The following PIAS2 variants were observed in gnomAD, a reference collection of about 807,000 sequenced individuals.
PIAS2 encodes the protein E3 SUMO-protein ligase PIAS2.
In PIAS2, 19 loss-of-function variants were observed where a neutral mutation model predicts 69.7. The observed-to-expected ratio is 0.27, with a 90% CI of 0.19 to 0.40. The LOEUF is 0.40. Among genes scored for constraint, PIAS2 ranks in the 10% least tolerant of loss-of-function variants. PIAS2 has a pLI of 1.00. For missense variants in PIAS2, 624 were observed against 757.0 expected (o/e 0.82, Z 2.06); for synonymous variants, 261 against 263.2 (o/e 0.99, Z 0.08).
rs191665129 is a variant in PIAS2, at chr18:46,828,792, C to G, written c.1337-662G>C. Among the ~76,000 whole-genome samples, 517 of 152,194 alleles carry G rather than the reference C, an allele frequency of 3.4e-3. 1 individual carries two copies. The highest frequency in any genetic ancestry group is 0.01 in the Middle Eastern group (3 of 294). On this transcript the variant is annotated intron_variant, in intron 10 of 13. Coordinates refer to ENST00000585916, the MANE Select transcript of PIAS2 (RefSeq NM_004671.5). ...GTCTCACATACCATATTTGTTAACT[C>G]ACATTTTCACAGAAAAGTATGTTAT...
rs962269255 is a variant in PIAS2, at chr18:46,805,846, T to C, written c.*6587A>G. On this transcript the variant is annotated 3_prime_UTR_variant, in exon 14 of 14. Transcript: ENST00000585916. ...GCAGAAAAACCAGGAATGAGCCTCA[T>C]GGATGCTTCATTTCTGAAATCCCAT... is the stretch of plus-strand genomic sequence containing the variant. 2.0e-5 allele frequency: 3 copies of C among 152,238 alleles called. No homozygotes were observed. The highest frequency in any genetic ancestry group is 1.3e-4 in the Admixed American group (2 of 15,286). The allele number at this position is 152,238 out of a possible 1,614,324, so 9.4% of individuals were successfully genotyped here. A position where few individuals can be genotyped will look rare whatever the true frequency, so the allele number is the denominator to read the frequency against.
Position 46,821,017 on chromosome 18 carries a change from G to C in PIAS2, c.1564C>G (p.Pro522Ala), listed in dbSNP as rs1472124182. The change falls in exon 12 of 14, where the codon CCT (proline) becomes GCT (alanine). Residue 522 changes from proline (P) to alanine (A), a missense_variant. Physicochemically the swap from Pro to Ala is conservative, Grantham distance 27. This residue lies in a region of PIAS2 where 241 missense variants were observed against 257.3 expected (regional missense o/e 0.94). Coordinates refer to ENST00000585916, the MANE Select transcript of PIAS2 (RefSeq NM_004671.5). ...VRVPSVTSVDPAAIPPSLTDY... is the reference protein window; with the variant it reads ...VRVPSVTSVDAAAIPPSLTDY... ...GTTAATGAAGGCGGAATAGCAGCAG[G>C]ATCAACCGAAGTCACACTGGGCACC... 6 of 1,613,252 alleles carry C rather than the reference G, an allele frequency of 3.7e-6. No homozygotes were observed. Among genetic ancestry groups the C allele is most frequent in the African/African-American group, 1.3e-5 (1 of 74,872 alleles).
intron 5 of PIAS2, 107 bp from the exon 6 acceptor site, chr18:46,846,948 A>G: frequency 1.0e-6 from 1 of 971,128 alleles, no homozygotes; most frequent in Non-Finnish European, 1.4e-6. Flanking sequence ...CACTATTTTT[A>G]TTTTAGCCTA....
rs1166899502 is a variant in PIAS2, at chr18:46,829,783, C to T, written c.1287G>A (p.Pro429=). 6.2e-7 allele frequency: 1 copy of T among 1,613,270 alleles called. No homozygotes were observed. Among genetic ancestry groups the T allele is most frequent in the Non-Finnish European group, 8.5e-7 (1 of 1,179,444 alleles). Residue 429 remains proline, a synonymous_variant, in exon 10 of 14, where the codon CCG becomes CCA. Coordinates refer to ENST00000585916, the MANE Select transcript of PIAS2 (RefSeq NM_004671.5). The part of the protein sequence containing the change: ...QEDGSWCPMR[P]KKEAMKVSSQ... ...TGGATACTTTCATAGCTTCTTTCTT[C>T]GGTCTCATTGGACACCAAGAACCAT...
At chr18:46,916,893 GA>G in intron 1 of PIAS2, 1 of 985,514 alleles carries the variant, frequency 1.0e-6, no homozygotes, top group South Asian at 4.7e-5. Flanking sequence ...TCAGCTTTCA[GA>G]AAACAGTCCT....
chr18:46,815,326 G>T lies in PIAS2; in HGVS notation c.1672C>A (p.Pro558Thr). ...LPGLDFLSLI[P>T]VDPQYCPPMF... ...AGGATACATACCTGGGGATCAACTG[G>T]AATAAGGGAAAGAAAATCCAAACCT... The change falls in exon 13 of 14, where the codon CCA becomes ACA. Residue 558 changes from proline (P) to threonine (T), a missense_variant. Physicochemically the swap from Pro to Thr is conservative, Grantham distance 38 (BLOSUM62 -1). This residue lies in a region of PIAS2 where 241 missense variants were observed against 257.3 expected (regional missense o/e 0.94). Transcript: ENST00000585916. 1 of 1,611,910 alleles carries T rather than the reference G, an allele frequency of 6.2e-7. No individual in the cohort carries two copies. The highest frequency in any genetic ancestry group is 1.1e-5 in the South Asian group (1 of 90,974).
At chr18:46,905,651 C>A (rs552196743) in intron 1 of PIAS2, 1 of 151,992 alleles carries the variant, frequency 6.6e-6, no homozygotes, top group East Asian at 1.9e-4. Flanking sequence ...CAAGTAACTG[C>A]AAAGAAGAGA....
chr18:46,864,389 A>G, intron 2 of PIAS2, 141 bp from the exon 3 acceptor site: 1 of 600,504 alleles, frequency 1.7e-6, no homozygotes, highest in Non-Finnish European at 2.9e-6. Context: ...ATCAGGAAGT[A>G]CTAAACTGCA....
At chr18:46,871,078 G>T (rs1488004433) in intron 2 of PIAS2, among the ~76,000 whole-genome samples, 4 of 152,184 alleles carry the variant, frequency 2.6e-5, no homozygotes, top group Admixed American at 1.3e-4. Context: ...AGACTTAGAA[G>T]ACCCTCTTGG....
chr18:46,885,140 T>C (rs186614255), intron 2 of PIAS2, among the ~76,000 whole-genome samples: 1 of 151,980 alleles, frequency 6.6e-6, no homozygotes, highest in East Asian at 1.9e-4. Context: ...CTTCAAGTGA[T>C]AAAAAAAATT....
chr18:46,894,937 G>T (rs1328508211), intron 1 of PIAS2, among the ~76,000 whole-genome samples: 2 of 152,114 alleles, frequency 1.3e-5, no homozygotes, highest in East Asian at 3.9e-4. Context: ...GCCAGGCATG[G>T]TGGCAGGTGC....
intron 3 of PIAS2, among the ~76,000 whole-genome samples, chr18:46,862,702 CATATATGTAT>C (rs1219689629): frequency 6.6e-6 from 1 of 151,766 alleles, no homozygotes; most frequent in Non-Finnish European, 1.5e-5. Flanking sequence ...TATATATACA[CATATATGTAT>C]ATATTCTTTT....
chr18:46,847,691 C>T (rs895674812), intron 5 of PIAS2, among the ~76,000 whole-genome samples: 3 of 152,008 alleles, frequency 2.0e-5, no homozygotes, highest in African/African-American at 7.2e-5. Flanking sequence ...ACCATGTTAG[C>T]CAGGATGGTC....
chr18:46,886,119 C>G (rs533453914), intron 2 of PIAS2, among the ~76,000 whole-genome samples: 68 of 152,294 alleles, frequency 4.5e-4, no homozygotes, highest in African/African-American at 1.6e-3. Context: ...CTTAGTCCCC[C>G]CCAGTCTTCT....
rs1367338694 is a variant in PIAS2, at chr18:46,811,767, ACAGCACT to A, written c.*659_*665del. The A allele has an allele frequency of 2.0e-5, 3 of 152,258 alleles. No homozygotes were observed. Among genetic ancestry groups the A allele is most frequent in the Admixed American group, 6.5e-5 (1 of 15,290 alleles). The allele number at this position is 152,258 out of a possible 1,614,324, so 9.4% of individuals were successfully genotyped here. Reference sequence around the variant, plus strand: ...GAGTAGCCAAATCCCAGAACTTCACACAGCACTCATTAGCAAACAACGTCAAAGTGTA... The same window carrying A: ...GAGTAGCCAAATCCCAGAACTTCACACATTAGCAAACAACGTCAAAGTGTA... On this transcript the variant is annotated 3_prime_UTR_variant, in exon 14 of 14. Transcript: ENST00000585916.
intron 5 of PIAS2, among the ~76,000 whole-genome samples, chr18:46,847,569 C>T (rs2046338499): frequency 6.6e-6 from 1 of 151,750 alleles, no homozygotes; most frequent in South Asian, 2.1e-4. Context: ...GCAAGCTCCG[C>T]CTCTCGGGTT....
chr18:46,847,789 C>A (rs953153126), intron 5 of PIAS2, among the ~76,000 whole-genome samples: 5 of 152,190 alleles, frequency 3.3e-5, no homozygotes, highest in African/African-American at 1.2e-4. Flanking sequence ...GCCAACTGTT[C>A]GTTTTAAATA....
At position 46,892,283 on chromosome 18, in the gene PIAS2, T is replaced by C. The variant is rs539581735; in HGVS notation, c.25-1229A>G. The stretch of plus-strand genomic sequence containing the variant: ...GCTAGTTTACTAAAATGCAAACAGA[T>C]TTAAATATGCCAAAGTAATCCATAT... On this transcript the variant is annotated intron_variant, in intron 1 of 13. Transcript: ENST00000585916. 9.2e-5 allele frequency among the ~76,000 whole-genome samples: 14 copies of C among 152,282 alleles called. No individual in the cohort carries two copies. The South Asian group carries it at 2.9e-3, about 32-fold the overall frequency.
chr18:46,891,915 G>A (rs1263811178), intron 1 of PIAS2, among the ~76,000 whole-genome samples: 1 of 152,146 alleles, frequency 6.6e-6, no homozygotes, highest in East Asian at 1.9e-4. Flanking sequence ...GTGATTTCCA[G>A]TCAATTCTGA....
Sources: allele counts gnomAD v4.1 joint callset (sites outside exome capture counted in the v4.1 genomes callset), GRCh38; gene constraint gnomAD v4.1.1; regional missense constraint gnomAD v4.1.1; transcripts MANE v1.5; gene names NCBI Gene and HGNC (gene_info 2026-07-23, HGNC 2026-07-21).